The following NFXL1 variants were observed in gnomAD, a reference collection of about 807,000 sequenced individuals.
NFXL1 encodes nuclear transcription factor, X-box binding like 1, also known as NF-X1-type zinc finger protein NFXL1.
Under a neutral mutation model 123.3 loss-of-function variants are expected in NFXL1, and 66 were observed. The ratio of observed to expected loss-of-function variants is 0.54; its 90% CI spans 0.44 to 0.66. NFXL1 has a LOEUF of 0.66. NFXL1 is among the 30% of genes least tolerant of loss of function. The pLI, the probability that NFXL1 is intolerant of heterozygous loss-of-function variation, is 0.00. For missense variants in NFXL1, 944 were observed against 1,125.6 expected, an observed-to-expected ratio of 0.84 and a Z score of 2.31; for synonymous variants, 346 against 360.8, an observed-to-expected ratio of 0.96 and a Z score of 0.46.
intron 5 of NFXL1, among the ~76,000 whole-genome samples, chr4:47,902,033 T>G (rs1737374784): frequency 6.6e-6 from 1 of 151,960 alleles, no homozygotes; most frequent in African/African-American, 2.4e-5. Context: ...AATACAAAAC[T>G]TAGCCAGGCA....
chr4:47,863,818 C>G (rs569339967), intron 18 of NFXL1, among the ~76,000 whole-genome samples: 1 of 152,322 alleles, frequency 6.6e-6, no homozygotes, highest in South Asian at 2.1e-4. Flanking sequence ...TACTTTCCAA[C>G]AGACACTGCC....
intron 18 of NFXL1, among the ~76,000 whole-genome samples, chr4:47,867,698 T>TA (rs1469831356): frequency 1.3e-5 from 2 of 151,980 alleles, no homozygotes; most frequent in Non-Finnish European, 2.9e-5. Flanking sequence ...GGGTCCCAGG[T>TA]AAAAAAGATC....
chr4:47,905,147 A>G, intron 4 of NFXL1, 90 bp downstream of exon 4: 1 of 538,514 alleles, frequency 1.9e-6, no homozygotes, highest in Non-Finnish European at 3.3e-6. Flanking sequence ...AAACATAAGT[A>G]AACAAAAGAA....
intron 3 of NFXL1, among the ~76,000 whole-genome samples, chr4:47,906,463 T>C (rs986841622): frequency 2.0e-5 from 3 of 152,134 alleles, no homozygotes; most frequent in Non-Finnish European, 2.9e-5. Flanking sequence ...AAGCTTGCCC[T>C]ACCATAAAAT....
intron 12 of NFXL1, among the ~76,000 whole-genome samples, chr4:47,888,771 A>G (rs1736603474): frequency 6.6e-6 from 1 of 152,184 alleles, no homozygotes; most frequent in Non-Finnish European, 1.5e-5. Flanking sequence ...GAGATAGAGG[A>G]TGGAAATTAT....
At chr4:47,879,205 AAT>A in intron 15 of NFXL1, 88 bp from the exon 16 acceptor site, 1 of 532,472 alleles carries the variant, frequency 1.9e-6, no homozygotes, top group Non-Finnish European at 3.2e-6. Flanking sequence ...GCATTAAAAA[AAT>A]AAATACATAT....
intron 19 of NFXL1, among the ~76,000 whole-genome samples, chr4:47,858,423 A>G (rs1577988215): frequency 6.6e-6 from 1 of 152,234 alleles, no homozygotes; most frequent in Admixed American, 6.5e-5. Flanking sequence ...AAATCTGTGC[A>G]CATATGTACC....
rs771350182 is a variant in NFXL1, at chr4:47,914,090, C to T, written c.114G>A (p.Glu38=). The T allele has an allele frequency of 3.7e-5, 58 of 1,551,300 alleles. No individual in the cohort carries two copies. The highest frequency in any genetic ancestry group is 4.8e-5 in the Non-Finnish European group (55 of 1,147,680). ...AAGGAACTGCGCCCACCGACCCCTT[C>T]TCTCGCCCTCCTCCGGCGCCGCGGA... ...VHLRGAGGGR[E]KGSVGAVPSG... The change falls in exon 2 of 23, where the codon GAG becomes GAA. Residue 38 remains glutamate, a synonymous_variant. Transcript: ENST00000507489.
intron 18 of NFXL1, among the ~76,000 whole-genome samples, chr4:47,873,253 C>G (rs988389660): frequency 5.9e-5 from 9 of 152,172 alleles, no homozygotes; most frequent in Non-Finnish European, 1.2e-4. Flanking sequence ...TCTATTAGGG[C>G]TGGAATCAAC....
At chr4:47,895,498 G>A (rs1737032504) in intron 10 of NFXL1, among the ~76,000 whole-genome samples, 1 of 152,188 alleles carries the variant, frequency 6.6e-6, no homozygotes, top group Non-Finnish European at 1.5e-5. Context: ...AACACTTGCT[G>A]TTTCACCTCG....
intron 3 of NFXL1, among the ~76,000 whole-genome samples, chr4:47,907,878 T>C (rs1056005676): frequency 5.3e-5 from 8 of 152,180 alleles, no homozygotes; most frequent in Admixed American, 5.2e-4. Flanking sequence ...TTATTTTCTA[T>C]AAGGTCCTTC....
intron 3 of NFXL1, among the ~76,000 whole-genome samples, chr4:47,908,285 A>T (rs948194900): frequency 6.6e-6 from 1 of 152,114 alleles, no homozygotes; most frequent in Non-Finnish European, 1.5e-5. Flanking sequence ...TTAACCAGGC[A>T]TGGTGGTGTG....
chr4:47,894,482 C>T (rs1196907549), intron 10 of NFXL1, among the ~76,000 whole-genome samples, 180 bp from the exon 11 acceptor site: 1 of 151,454 alleles, frequency 6.6e-6, no homozygotes, highest in Non-Finnish European at 1.5e-5. Context: ...TTACTTTGTT[C>T]CAAAAAGGAC....
At chr4:47,906,318 T>C (rs1223710826) in intron 3 of NFXL1, among the ~76,000 whole-genome samples, 1 of 152,184 alleles carries the variant, frequency 6.6e-6, no homozygotes, top group African/African-American at 2.4e-5. Flanking sequence ...TAAACTACCA[T>C]AAGTACAGAA....
chr4:47,866,182 A>G (rs1735062593), intron 18 of NFXL1, among the ~76,000 whole-genome samples: 1 of 152,176 alleles, frequency 6.6e-6, no homozygotes, highest in Admixed American at 6.5e-5. Flanking sequence ...CAAGTAGCCA[A>G]TCTTGGAAAG....
intron 2 of NFXL1, among the ~76,000 whole-genome samples, chr4:47,911,860 G>A (rs1328860763): frequency 1.3e-5 from 2 of 152,092 alleles, no homozygotes; most frequent in Non-Finnish European, 2.9e-5. Flanking sequence ...AAGCTCTTAC[G>A]GACAGCAAAC....
chr4:47,871,360 AAAAAC>A (rs1439554856), intron 18 of NFXL1, among the ~76,000 whole-genome samples: 2 of 151,742 alleles, frequency 1.3e-5, no homozygotes, highest in Non-Finnish European at 2.9e-5. Flanking sequence ...CAAAAAAAAA[AAAAAC>A]AAAAACAAAA....
intron 15 of NFXL1, among the ~76,000 whole-genome samples, chr4:47,881,005 G>A (rs1736082267): frequency 6.6e-6 from 1 of 151,910 alleles, no homozygotes; most frequent in Non-Finnish European, 1.5e-5. Flanking sequence ...ATTACAGCTA[G>A]ATAGGAAGAA....
At chr4:47,855,773 A>C (rs1288904989) in intron 19 of NFXL1, among the ~76,000 whole-genome samples, 1 of 152,132 alleles carries the variant, frequency 6.6e-6, no homozygotes, top group Non-Finnish European at 1.5e-5. Flanking sequence ...ATATTAAAAA[A>C]ATATTATTTA....
Sources: gnomAD v4.1 joint callset for allele counts (sites outside exome capture counted in the v4.1 genomes callset) on GRCh38, gnomAD v4.1.1 for gene constraint, MANE v1.5 for transcripts, NCBI Gene and HGNC (gene_info 2026-07-23, HGNC 2026-07-21) for gene names.